Variants in MAGI2 observed in about 807,000 individuals in gnomAD.
MAGI2 encodes the protein membrane-associated guanylate kinase, WW and PDZ domain-containing protein 2.
In MAGI2, 35 loss-of-function variants were observed where a neutral mutation model predicts 133.3. The observed-to-expected ratio is 0.26, with a 90% CI of 0.20 to 0.35. MAGI2 has a LOEUF of 0.35. Among genes scored for constraint, MAGI2 ranks in the 10% least tolerant of loss-of-function variants. MAGI2 has a pLI of 1.00. For synonymous variants in MAGI2, 729 were observed against 710.6 expected (o/e 1.03, Z -0.41); for missense variants, 1,636 against 1,863.4 (o/e 0.88, Z 2.25).
intron 1 of MAGI2, among the ~76,000 whole-genome samples, chr7:79,214,407 CTATATATATATATATATATATATA>C (rs1196193501): frequency 5.6e-5 from 1 of 17,718 alleles, no homozygotes; most frequent in East Asian, 1.8e-3. Flanking sequence ...CTCTCTCTCT[CTATATATATATATATATATATATA>C]TATATATATA....
intron 6 of MAGI2, among the ~76,000 whole-genome samples, chr7:78,482,349 C>A (rs774726741): frequency 4.0e-5 from 6 of 151,858 alleles, no homozygotes; most frequent in Non-Finnish European, 7.4e-5. Flanking sequence ...GGCAGTTTGT[C>A]CTAAAACTGA....
chr7:79,015,636 A>G (rs892022470), intron 1 of MAGI2, among the ~76,000 whole-genome samples: 2 of 152,160 alleles, frequency 1.3e-5, no homozygotes, highest in Admixed American at 6.5e-5. Context: ...GAACTGCTAC[A>G]AGACTGATTT....
chr7:78,513,067 CA>C (rs1449159847), intron 4 of MAGI2, among the ~76,000 whole-genome samples: 1 of 152,002 alleles, frequency 6.6e-6, no homozygotes, highest in African/African-American at 2.4e-5. Context: ...TAAAAAACCA[CA>C]GCAAGGTATG....
intron 2 of MAGI2, among the ~76,000 whole-genome samples, chr7:78,936,770 T>G (rs1800549489): frequency 6.6e-6 from 1 of 152,022 alleles, no homozygotes; most frequent in South Asian, 2.1e-4. Context: ...GGGAAAATAG[T>G]TAAAAATAAG....
chr7:79,404,341 T>A (rs751179231), intron 1 of MAGI2, among the ~76,000 whole-genome samples: 17 of 152,236 alleles, frequency 1.1e-4, no homozygotes, highest in African/African-American at 4.1e-4. Context: ...CTTCTCCTAC[T>A]TATTTCTGTT....
At chr7:78,838,972 T>C (rs1791893651) in intron 2 of MAGI2, among the ~76,000 whole-genome samples, 1 of 152,104 alleles carries the variant, frequency 6.6e-6, no homozygotes, top group South Asian at 2.1e-4. Flanking sequence ...ACCTCTCAAC[T>C]TATGTGCATA....
chr7:78,791,884 G>A (rs1787181632), intron 2 of MAGI2, among the ~76,000 whole-genome samples: 1 of 152,122 alleles, frequency 6.6e-6, no homozygotes, highest in South Asian at 2.1e-4. Flanking sequence ...ACAGTAGGGG[G>A]TAGGTCAAAT....
intron 2 of MAGI2, among the ~76,000 whole-genome samples, chr7:78,750,046 G>A (rs571517419): frequency 1.4e-4 from 21 of 151,994 alleles, no homozygotes; most frequent in Admixed American, 5.2e-4. Flanking sequence ...CCCCAACCCC[G>A]ACAGGCCCTG....
chr7:79,147,195 A>C (rs1822729582), intron 1 of MAGI2, among the ~76,000 whole-genome samples: 1 of 152,232 alleles, frequency 6.6e-6, no homozygotes, highest in Non-Finnish European at 1.5e-5. Context: ...CATTCCAGAC[A>C]ATGTGCAGCC....
chr7:78,297,591 A>AATG (rs2151062290), intron 9 of MAGI2, among the ~76,000 whole-genome samples: 1 of 150,910 alleles, frequency 6.6e-6, no homozygotes, highest in Non-Finnish European at 1.5e-5. Context: ...AATGTCCAAC[A>AATG]ATGATAGACT....
intron 9 of MAGI2, among the ~76,000 whole-genome samples, chr7:78,283,345 T>C (rs1424981490): frequency 2.0e-5 from 3 of 152,188 alleles, no homozygotes; most frequent in East Asian, 1.9e-4. Context: ...AAGAGAATAA[T>C]AACAAGCTGT....
At chr7:78,075,871 T>TG (rs1476603214) in intron 21 of MAGI2, among the ~76,000 whole-genome samples, 4 of 152,206 alleles carry the variant, frequency 2.6e-5, no homozygotes, top group Non-Finnish European at 5.9e-5. Flanking sequence ...TGGTTTCTTA[T>TG]GCATAACCAA....
intron 10 of MAGI2, among the ~76,000 whole-genome samples, chr7:78,225,508 C>T (rs1789284266): frequency 6.6e-6 from 1 of 152,172 alleles, no homozygotes; most frequent in Admixed American, 6.5e-5. Flanking sequence ...TGCCAACATG[C>T]ACCTGTATTT....
At chr7:78,516,574 A>G (rs1468621296) in intron 4 of MAGI2, among the ~76,000 whole-genome samples, 1 of 152,146 alleles carries the variant, frequency 6.6e-6, no homozygotes, top group Non-Finnish European at 1.5e-5. Context: ...GCTGGTCTTG[A>G]ATTCCTGACC....
intron 6 of MAGI2, among the ~76,000 whole-genome samples, chr7:78,451,434 T>A (rs1788711516): frequency 6.6e-6 from 1 of 152,064 alleles, no homozygotes; most frequent in African/African-American, 2.4e-5. Flanking sequence ...GGGTTTATAG[T>A]TCTTGATGGG....
intron 1 of MAGI2, among the ~76,000 whole-genome samples, chr7:79,424,101 AGTGAT>A (rs1271399057): frequency 6.6e-6 from 1 of 152,142 alleles, no homozygotes; most frequent in East Asian, 1.9e-4. Context: ...CACATCATCC[AGTGAT>A]GTGATTTTTC....
intron 1 of MAGI2, among the ~76,000 whole-genome samples, chr7:79,140,357 T>G (rs1217512166): frequency 6.6e-6 from 1 of 152,206 alleles, no homozygotes; most frequent in Non-Finnish European, 1.5e-5. Flanking sequence ...GAAACATAAT[T>G]TTTTGAAATT....
intron 1 of MAGI2, among the ~76,000 whole-genome samples, chr7:79,011,635 G>C (rs191532514): frequency 1.3e-5 from 2 of 152,272 alleles, no homozygotes; most frequent in East Asian, 3.9e-4. Context: ...GTTAAATAGA[G>C]AGGGGAAAGG....
At chr7:78,885,328 A>G (rs1366296619) in intron 2 of MAGI2, among the ~76,000 whole-genome samples, 1 of 152,174 alleles carries the variant, frequency 6.6e-6, no homozygotes, top group Admixed American at 6.6e-5. Flanking sequence ...ATTACTAATA[A>G]AAAATCAACA....
Sources: gnomAD v4.1 joint callset for allele counts (sites outside exome capture counted in the v4.1 genomes callset) on GRCh38, gnomAD v4.1.1 for gene constraint, MANE v1.5 for transcripts, NCBI Gene and HGNC (gene_info 2026-07-23, HGNC 2026-07-21) for gene names.